PTPRN2: variants seen among roughly 807,000 people sequenced by gnomAD.
PTPRN2 encodes receptor-type tyrosine-protein phosphatase N2.
PTPRN2 carries 74 observed loss-of-function variants against 118.8 expected under a neutral mutation model. The ratio of observed to expected loss-of-function variants is 0.62; its 90% CI spans 0.52 to 0.76. The LOEUF (loss-of-function observed/expected upper bound fraction) is 0.76, where lower values mean the gene tolerates loss of function less well. Among genes scored for constraint, PTPRN2 ranks in the 30% least tolerant of loss-of-function variants. The probability of loss-of-function intolerance (pLI) is 0.00; values close to 1 mark genes in which losing one functional copy is unlikely to be tolerated. For synonymous variants in PTPRN2, 641 were observed against 608.0 expected (o/e 1.05, Z -0.80); for missense variants, 1,481 against 1,394.4 (o/e 1.06, Z -0.99).
chr7:158,280,909 C>T (rs1022400183), intron 3 of PTPRN2, among the ~76,000 whole-genome samples: 38 of 152,320 alleles, frequency 2.5e-4, no homozygotes, highest in Admixed American at 1.8e-3. Flanking sequence ...CCAGGCCCTG[C>T]GCCGGCCCAC....
intron 2 of PTPRN2, among the ~76,000 whole-genome samples, chr7:158,340,854 A>T (rs147515208): frequency 6.1e-5 from 1 of 16,456 alleles, no homozygotes; most frequent in African/African-American, 2.5e-4. Flanking sequence ...GAGCTGACAC[A>T]TGCAGACGTC....
chr7:157,790,063 ATGTGTGGTGTGTG>A (rs1804363320), intron 12 of PTPRN2, among the ~76,000 whole-genome samples: 1 of 44,094 alleles, frequency 2.3e-5, no homozygotes, highest in Non-Finnish European at 4.2e-5. Context: ...TGTGGTGTGA[ATGTGTGGTGTGTG>A]TGTGTGGTGT....
intron 16 of PTPRN2, 132 bp from the exon 17 acceptor site, chr7:157,595,447 G>T (rs530634976): frequency 3.9e-6 from 3 of 770,940 alleles, no homozygotes; most frequent in South Asian, 1.8e-5. Context: ...TAAGAAACCC[G>T]GAGGTTAGGA....
chr7:158,151,280 G>A lies in PTPRN2; in HGVS notation c.911-12765C>T, dbSNP rs927882242. ...CTGCCTCTCCCTGCCCACACCGCCC[G>A]CCTTTCTGCTCCTGCCTCTCCCTGC... is the stretch of plus-strand genomic sequence containing the variant. On this transcript the variant is annotated intron_variant, in intron 6 of 22. Transcript: ENST00000389418. Among the ~76,000 whole-genome samples the A allele has an allele frequency of 5.4e-5, 2 of 36,872 alleles. 1 individual carries two copies. Among genetic ancestry groups the A allele is most frequent in the East Asian group, 1.2e-3 (2 of 1,708 alleles). The allele number at this position is 36,872 out of a possible 152,430, so 24.2% of individuals were successfully genotyped here. A position where few individuals can be genotyped will look rare whatever the true frequency, so the allele number is the denominator to read the frequency against.
intron 11 of PTPRN2, among the ~76,000 whole-genome samples, chr7:158,032,565 C>G (rs182427709): frequency 6.6e-6 from 1 of 152,050 alleles, no homozygotes; most frequent in Non-Finnish European, 1.5e-5. Context: ...AGAGACGTTC[C>G]GTATGCAATA....
At position 157,772,252 on chromosome 7, in the gene PTPRN2, C is replaced by T. The variant is rs1042763627; in HGVS notation, c.1789-89315G>A. Among the ~76,000 whole-genome samples the T allele has an allele frequency of 2.0e-4, 30 of 147,034 alleles. 1 individual carries two copies. Among genetic ancestry groups the T allele is most frequent in the Admixed American group, 1.2e-3 (18 of 14,788 alleles). On this transcript the variant is annotated intron_variant, in intron 12 of 22. Coordinates refer to ENST00000389418, the MANE Select transcript of PTPRN2 (RefSeq NM_002847.5). ...ACACACACATACACACAGACACAGA[C>T]GCACACAGACACCCATACAGACATA... is the stretch of plus-strand genomic sequence containing the variant.
At chr7:157,947,892 T>C (rs1158552025) in intron 11 of PTPRN2, among the ~76,000 whole-genome samples, 3 of 152,342 alleles carry the variant, frequency 2.0e-5, no homozygotes, top group East Asian at 3.9e-4. Context: ...CTGAAGGCAG[T>C]GGGATGATGT....
In PTPRN2 at chr7:158,517,970, C is replaced by T. The variant is rs570262598; in HGVS notation, c.113-28185G>A. On this transcript the variant is annotated intron_variant, in intron 1 of 22. Coordinates refer to ENST00000389418, the MANE Select transcript of PTPRN2 (RefSeq NM_002847.5). This position sits in a 1 kb window ranked among gnomAD's most constrained non-coding sequence, Gnocchi z 5.3. ...CACCTTGCTTCCTCCAAGAGGGCTC[C>T]CTAATTCCTGACCGGGCGGGGCACC... Among the ~76,000 whole-genome samples, 1 of 152,342 alleles carries T rather than the reference C, an allele frequency of 6.6e-6. No homozygotes were observed. The highest frequency in any genetic ancestry group is 1.5e-5 in the Non-Finnish European group (1 of 68,028).
chr7:158,122,626 C>T (rs991382620), intron 9 of PTPRN2, among the ~76,000 whole-genome samples: 3 of 152,204 alleles, frequency 2.0e-5, no homozygotes, highest in East Asian at 1.9e-4. Context: ...CCCCACACAG[C>T]GGTGGGATCT....
chr7:158,305,884 T>C (rs1801254055), intron 3 of PTPRN2, among the ~76,000 whole-genome samples: 1 of 151,988 alleles, frequency 6.6e-6, no homozygotes, highest in Non-Finnish European at 1.5e-5. Flanking sequence ...TCACCCTATT[T>C]CCAGCTCCCT....
chr7:158,294,267 A>G (rs949604918), intron 3 of PTPRN2, among the ~76,000 whole-genome samples: 5 of 152,204 alleles, frequency 3.3e-5, no homozygotes, highest in African/African-American at 1.2e-4. Context: ...CAGTTTCTCA[A>G]CATCACTTGA....
chr7:158,338,035 A>ACG (rs1169867380), intron 2 of PTPRN2, among the ~76,000 whole-genome samples: 2 of 42,446 alleles, frequency 4.7e-5, no homozygotes, highest in Non-Finnish European at 4.8e-5. Context: ...ACTCACACCC[A>ACG]CACTCTCACC....
chr7:158,543,493 C>T (rs933404809), intron 1 of PTPRN2, among the ~76,000 whole-genome samples: 8 of 152,230 alleles, frequency 5.3e-5, no homozygotes, highest in African/African-American at 1.9e-4. Flanking sequence ...TAACTAAAAA[C>T]ACTCTGGCAT....
At chr7:158,312,244 ACACCTGCACACG>A (rs1801853990) in intron 3 of PTPRN2, among the ~76,000 whole-genome samples, 1 of 109,942 alleles carries the variant, frequency 9.1e-6, no homozygotes, top group South Asian at 2.4e-4. Context: ...ACATGCACAC[ACACCTGCACACG>A]CACTCACGTG....
intron 10 of PTPRN2, among the ~76,000 whole-genome samples, chr7:158,083,300 T>C (rs925997307): frequency 6.6e-6 from 1 of 151,984 alleles, no homozygotes; most frequent in Non-Finnish European, 1.5e-5. Flanking sequence ...GGTTGAATGG[T>C]TTTCTAAAAT....
Position 158,509,238 on chromosome 7 carries a change from G to A in PTPRN2, c.113-19453C>T, listed in dbSNP as rs543213902. On this transcript the variant is annotated intron_variant, in intron 1 of 22. Transcript: ENST00000389418. The surrounding 1 kb of genome is among the most constrained non-coding windows in gnomAD (Gnocchi z 4.4). The stretch of plus-strand genomic sequence containing the variant: ...GCTCACAGGGTCCTTGCTCAAAGGC[G>A]GCAGCAAATGCACCATCCACTTCCT... Among the ~76,000 whole-genome samples, 69 of 152,278 alleles carry A rather than the reference G, an allele frequency of 4.5e-4. No homozygotes were observed. Among genetic ancestry groups the A allele is most frequent in the Non-Finnish European group, 8.8e-4 (60 of 68,012 alleles).
intron 11 of PTPRN2, among the ~76,000 whole-genome samples, chr7:157,997,806 G>A (rs536343440): frequency 4.7e-4 from 70 of 147,554 alleles, no homozygotes; most frequent in African/African-American, 1.7e-3. Context: ...GAGGAATGGA[G>A]TGCAGGGGAG....
At chr7:158,271,527 C>T (rs774826689) in intron 3 of PTPRN2, among the ~76,000 whole-genome samples, 1 of 152,166 alleles carries the variant, frequency 6.6e-6, no homozygotes, top group Non-Finnish European at 1.5e-5. Context: ...GGGGGCAACA[C>T]AGCCAAGCCC....
chr7:157,843,219 C>T (rs1054679235), intron 12 of PTPRN2, among the ~76,000 whole-genome samples: 5 of 152,154 alleles, frequency 3.3e-5, no homozygotes, highest in African/African-American at 7.2e-5. Flanking sequence ...AAAGCTGTAC[C>T]ATAAAGCCTA....
Sources: gnomAD v4.1 joint callset for allele counts (sites outside exome capture counted in the v4.1 genomes callset) on GRCh38, gnomAD v4.1.1 for gene constraint, Gnocchi (gnomAD v3.1) non-coding constraint, MANE v1.5 for transcripts, NCBI Gene and HGNC (gene_info 2026-07-23, HGNC 2026-07-21) for gene names.